RXFP2: variants seen among roughly 807,000 people sequenced by gnomAD.
RXFP2 encodes relaxin receptor 2.
RXFP2 carries 68 observed loss-of-function variants against 88.6 expected under a neutral mutation model. The observed-to-expected ratio is 0.77, with a 90% CI of 0.63 to 0.94. RXFP2 has a LOEUF of 0.94. Ranked by LOEUF, RXFP2 falls within the 40% of genes least tolerant of loss-of-function variation. RXFP2 has a pLI of 0.00. For missense variants in RXFP2, 791 were observed against 893.9 expected, an observed-to-expected ratio of 0.88 and a Z score of 1.47; for synonymous variants, 329 against 306.8, an observed-to-expected ratio of 1.07 and a Z score of -0.76.
At chr13:31,797,499 C>G in intron 17 of RXFP2, 80 bp downstream of exon 17, 2 of 997,774 alleles carry the variant, frequency 2.0e-6, no homozygotes, top group Non-Finnish European at 3.2e-6. Flanking sequence ...GAGTCTAGGA[C>G]ACATAATAAA....
At chr13:31,796,523 C>T (rs7987979) in intron 16 of RXFP2, among the ~76,000 whole-genome samples, 87,592 of 151,780 alleles carry the variant, frequency 0.58, 25,478 homozygotes, top group East Asian at 0.77. Flanking sequence ...AGGTTTGAAT[C>T]TGCAGAGAGC....
intron 3 of RXFP2, among the ~76,000 whole-genome samples, chr13:31,764,075 A>G (rs1473858105): frequency 6.6e-6 from 1 of 152,182 alleles, no homozygotes; most frequent in Non-Finnish European, 1.5e-5. Context: ...AGAACTTATA[A>G]TTACATTAAA....
rs760149969 is a variant in RXFP2 at position 31,793,029 on chromosome 13, T to C, written c.1727T>C (p.Leu576Pro). 6.2e-7 allele frequency: 1 copy of C among 1,613,330 alleles called. No homozygotes were observed. The highest frequency in any genetic ancestry group is 8.5e-7 in the Non-Finnish European group (1 of 1,179,394). The stretch of plus-strand genomic sequence containing the variant: ...GGGAAAAATGGAGTATGTTTCCCAC[T>C]TTATTATGACCAAACAGAAGATATT... ...FYGKNGVCFP[L>P]YYDQTEDIGS... Residue 576 changes from leucine (L) to proline (P), a missense_variant, in exon 16 of 18, where the codon CTT becomes CCT. By Grantham distance (98) the Leu-to-Pro change is moderately conservative. Transcript: ENST00000298386.
rs1458087497 is a variant in RXFP2 at position 31,757,804 on chromosome 13, T to C, written c.95-454T>C. ...GGTGTGATTATGGCTGTTTAAAATG[T>C]TATCATTGGCCAGGCGAGGTGGCTC... is the stretch of plus-strand genomic sequence containing the variant. On this transcript the variant is annotated intron_variant, in intron 1 of 17. Transcript: ENST00000298386. Among the ~76,000 whole-genome samples the C allele has an allele frequency of 2.0e-5, 3 of 152,106 alleles. 1 individual carries two copies. The highest frequency in any genetic ancestry group is 1.3e-4 in the Admixed American group (2 of 15,268).
chr13:31,752,087 A>C (rs577629478), intron 1 of RXFP2, among the ~76,000 whole-genome samples: 23 of 152,320 alleles, frequency 1.5e-4, no homozygotes, highest in South Asian at 1.5e-3. Flanking sequence ...ACACCCAGGC[A>C]AGGAGGATGT....
intron 3 of RXFP2, among the ~76,000 whole-genome samples, 172 bp from the exon 4 acceptor site, chr13:31,764,865 C>T (rs1872476665): frequency 6.6e-6 from 1 of 152,154 alleles, no homozygotes; most frequent in Non-Finnish European, 1.5e-5. Context: ...CATTAGTCTG[C>T]ATTTAAGTAG....
chr13:31,759,209 G>A (rs1164557029), intron 2 of RXFP2, among the ~76,000 whole-genome samples: 1 of 151,324 alleles, frequency 6.6e-6, no homozygotes, highest in East Asian at 1.9e-4. Context: ...AGTTCACATG[G>A]GTAATGTGAA....
intron 1 of RXFP2, among the ~76,000 whole-genome samples, chr13:31,752,839 C>T (rs978870225): frequency 5.3e-5 from 8 of 152,170 alleles, no homozygotes; most frequent in South Asian, 2.1e-4. Context: ...TAGTGATGGA[C>T]GCTGTCTGCT....
chr13:31,757,881 C>G (rs1009707475), intron 1 of RXFP2, among the ~76,000 whole-genome samples: 1 of 152,152 alleles, frequency 6.6e-6, no homozygotes, highest in Non-Finnish European at 1.5e-5. Context: ...ATCACATGGT[C>G]AGGAGTTTGA....
intron 1 of RXFP2, among the ~76,000 whole-genome samples, chr13:31,755,865 T>C (rs1348170401): frequency 6.6e-6 from 1 of 152,162 alleles, no homozygotes; most frequent in East Asian, 1.9e-4. Flanking sequence ...AAGATCAAAA[T>C]TCCAATGAGC....
intron 1 of RXFP2, among the ~76,000 whole-genome samples, chr13:31,757,948 C>T (rs778356759): frequency 7.9e-5 from 12 of 151,906 alleles, no homozygotes; most frequent in South Asian, 4.2e-4. Flanking sequence ...AAAAATTAGC[C>T]GGGTGTGGTG....
Position 31,786,606 on chromosome 13 carries a change from C to A in RXFP2, c.1042C>A (p.Gln348Lys). 1 of 1,603,222 alleles carries A rather than the reference C, an allele frequency of 6.2e-7. No homozygotes were observed. Among genetic ancestry groups the A allele is most frequent in the Non-Finnish European group, 8.5e-7 (1 of 1,171,464 alleles). The part of the protein sequence containing the change: ...SNPLMYLHKN[Q>K]FESLKQLQSL... Reference sequence around the variant, plus strand: ...TCCTCTTATGTATCTTCACAAGAACCAGTTTGAAAGTCTTAAACAACTTCA... The same window carrying A: ...TCCTCTTATGTATCTTCACAAGAACAAGTTTGAAAGTCTTAAACAACTTCA... Residue 348 changes from glutamine (Q) to lysine (K), a missense_variant, in exon 13 of 18, where the codon CAG becomes AAG. Physicochemically the swap from Gln to Lys is moderately conservative, Grantham distance 53. Coordinates refer to ENST00000298386, the MANE Select transcript of RXFP2 (RefSeq NM_130806.5).
chr13:31,767,878 A>T (rs1245499070), intron 5 of RXFP2, among the ~76,000 whole-genome samples: 1 of 152,028 alleles, frequency 6.6e-6, no homozygotes, highest in Admixed American at 6.6e-5. Context: ...TTTGCCCCCT[A>T]ATCTGGGGCA....
chr13:31,771,721 A>T (rs926106831), intron 5 of RXFP2, among the ~76,000 whole-genome samples: 1 of 151,812 alleles, frequency 6.6e-6, no homozygotes, highest in Admixed American at 6.6e-5. Flanking sequence ...GACCCCAAAA[A>T]GTCCAGATTG....
intron 17 of RXFP2, among the ~76,000 whole-genome samples, chr13:31,801,747 T>A (rs1180393234): frequency 6.6e-6 from 1 of 152,168 alleles, no homozygotes; most frequent in Non-Finnish European, 1.5e-5. Context: ...AAGACCAAGG[T>A]CAGATCTGGC....
intron 1 of RXFP2, among the ~76,000 whole-genome samples, chr13:31,741,078 A>G (rs1285125044): frequency 2.6e-5 from 4 of 152,090 alleles, no homozygotes; most frequent in Non-Finnish European, 5.9e-5. Flanking sequence ...TTTTATACAT[A>G]ATGCATTTAA....
At chr13:31,799,781 C>T (rs1376937680) in intron 17 of RXFP2, among the ~76,000 whole-genome samples, 1 of 152,134 alleles carries the variant, frequency 6.6e-6, no homozygotes, top group African/African-American at 2.4e-5. Flanking sequence ...TAACAAAGGA[C>T]GTCCAGTTCT....
chr13:31,773,663 C>T (rs2138427607), intron 5 of RXFP2, among the ~76,000 whole-genome samples: 1 of 152,136 alleles, frequency 6.6e-6, no homozygotes, highest in Non-Finnish European at 1.5e-5. Context: ...ATAAGACAAT[C>T]GTGACTCAGA....
At chr13:31,790,461 A>T (rs1451285521) in intron 14 of RXFP2, among the ~76,000 whole-genome samples, 1 of 152,230 alleles carries the variant, frequency 6.6e-6, no homozygotes, top group Non-Finnish European at 1.5e-5. Context: ...AAGCTACTTG[A>T]AGGCAAGAAT....
Sources: allele counts gnomAD v4.1 joint callset (sites outside exome capture counted in the v4.1 genomes callset), GRCh38; gene constraint gnomAD v4.1.1; transcripts MANE v1.5; gene names NCBI Gene and HGNC (gene_info 2026-07-23, HGNC 2026-07-21).